NRXN1: variants seen among roughly 807,000 people sequenced by gnomAD.
The protein encoded by NRXN1 is neurexin-1.
NRXN1 carries 39 observed loss-of-function variants against 150.9 expected under a neutral mutation model. The ratio of observed to expected loss-of-function variants is 0.26; its 90% CI spans 0.20 to 0.34. The LOEUF is 0.34. Ranked by LOEUF, NRXN1 falls within the 10% of genes least tolerant of loss-of-function variation. The pLI is 1.00. For missense variants in NRXN1, 1,815 were observed against 1,949.9 expected (o/e 0.93, Z 1.30); for synonymous variants, 924 against 757.0 (o/e 1.22, Z -3.62).
chr2:50,228,809 T>C (rs1288121768), intron 18 of NRXN1, among the ~76,000 whole-genome samples: 1 of 151,818 alleles, frequency 6.6e-6, no homozygotes. Context: ...AGCATTTACT[T>C]AGAAGCCTAG....
chr2:49,988,989 G>C (rs1027302329), intron 21 of NRXN1, among the ~76,000 whole-genome samples: 1 of 152,176 alleles, frequency 6.6e-6, no homozygotes, highest in Non-Finnish European at 1.5e-5. Context: ...GGAATCTGAA[G>C]CATTGCCCAG....
chr2:50,632,299 T>C (rs1467393203), intron 5 of NRXN1: 2 of 152,030 alleles, frequency 1.3e-5, no homozygotes, highest in Non-Finnish European at 2.9e-5. Context: ...ATTGTGGCCA[T>C]CTTGTAAGCT....
intron 5 of NRXN1, among the ~76,000 whole-genome samples, chr2:50,782,603 GA>G (rs1173529694): frequency 9.9e-5 from 15 of 152,050 alleles, no homozygotes. Context: ...TAAGAAAAAA[GA>G]AAAAAGTTGT....
At chr2:50,510,205 T>C in intron 12 of NRXN1, among the ~76,000 whole-genome samples, 1 of 152,126 alleles carries the variant, frequency 6.6e-6, no homozygotes, top group South Asian at 2.1e-4. Flanking sequence ...AGTCTATAGC[T>C]GGCTGGGCAT....
chr2:50,593,179 A>C (rs537397164), intron 8 of NRXN1, among the ~76,000 whole-genome samples: 2 of 152,200 alleles, frequency 1.3e-5, no homozygotes, highest in Non-Finnish European at 2.9e-5. Context: ...CTTAAGCATG[A>C]TTAGGTGAAT....
chr2:50,755,956 T>C (rs1178910584), intron 5 of NRXN1, among the ~76,000 whole-genome samples: 3 of 151,644 alleles, frequency 2.0e-5, no homozygotes, highest in South Asian at 2.1e-4. Flanking sequence ...TCGCTTTTGA[T>C]GGAAGAGAGG....
At chr2:50,693,497 G>A (rs949931272) in intron 5 of NRXN1, among the ~76,000 whole-genome samples, 2 of 152,026 alleles carry the variant, frequency 1.3e-5, no homozygotes, top group Admixed American at 6.6e-5. Context: ...GCCTACAATT[G>A]CGTGCAAAGG....
chr2:50,495,762 G>T, intron 15 of NRXN1, 143 bp downstream of exon 15: 2 of 599,304 alleles, frequency 3.3e-6, no homozygotes, highest in Non-Finnish European at 5.4e-6. Flanking sequence ...AGGCTTGTGT[G>T]TTGTATTGTT....
intron 10 of NRXN1, among the ~76,000 whole-genome samples, chr2:50,532,064 T>A (rs778445874): frequency 6.6e-6 from 1 of 152,108 alleles, no homozygotes; most frequent in Non-Finnish European, 1.5e-5. Flanking sequence ...TTGCCAAGGC[T>A]GGTCTCAAAC....
chr2:50,996,027 A>C (rs1699233461), intron 2 of NRXN1, among the ~76,000 whole-genome samples: 1 of 152,078 alleles, frequency 6.6e-6, no homozygotes, highest in South Asian at 2.1e-4. Flanking sequence ...TGGAGGGGAA[A>C]AGTCTTGCCT....
intron 5 of NRXN1, among the ~76,000 whole-genome samples, chr2:50,721,168 C>T (rs1430488357): frequency 6.6e-6 from 1 of 152,060 alleles, no homozygotes; most frequent in Non-Finnish European, 1.5e-5. Context: ...AAGGACAGCT[C>T]ACATAGCTGC....
At chr2:50,503,162 G>C (rs938726295) in intron 13 of NRXN1, among the ~76,000 whole-genome samples, 4 of 152,010 alleles carry the variant, frequency 2.6e-5, no homozygotes, top group African/African-American at 9.7e-5. Flanking sequence ...ACAAAAATTA[G>C]CTGGGCATGA....
At position 50,528,616 on chromosome 2, in the gene NRXN1, G is replaced by C; in HGVS notation, c.2374+9C>G. ...AATAACATTTTAAAAATTTTGAATA[G>C]GCACTTACTGGAATTACAGTTAATC... On this transcript the variant is annotated intron_variant, in intron 12 of 22. Coordinates refer to ENST00000401669, the MANE Select transcript of NRXN1 (RefSeq NM_001330078.2). The C allele has an allele frequency of 6.7e-7, 1 of 1,491,570 alleles. No individual in the cohort carries two copies. Among genetic ancestry groups the C allele is most frequent in the African/African-American group, 1.4e-5 (1 of 71,866 alleles). 92.4% of individuals were successfully genotyped at this position (1,491,570 alleles called of 1,614,324 possible). A position where few individuals can be genotyped will look rare whatever the true frequency, so the allele number is the denominator to read the frequency against.
At chr2:50,473,824 A>G (rs148700296) in intron 15 of NRXN1, among the ~76,000 whole-genome samples, 175 of 152,152 alleles carry the variant, frequency 1.2e-3, no homozygotes, top group African/African-American at 4.1e-3. Flanking sequence ...CCCATTAAAC[A>G]GTAATAAGCT....
chr2:50,205,180 G>A (rs141028299), intron 18 of NRXN1, among the ~76,000 whole-genome samples: 1 of 152,150 alleles, frequency 6.6e-6, no homozygotes, highest in Non-Finnish European at 1.5e-5. Flanking sequence ...TCATCTGCAT[G>A]GAAATTCTGC....
At chr2:50,087,184 A>T (rs986353423) in intron 19 of NRXN1, among the ~76,000 whole-genome samples, 2 of 152,176 alleles carry the variant, frequency 1.3e-5, no homozygotes, top group African/African-American at 4.8e-5. Flanking sequence ...ATGATATGAT[A>T]ACTCTAGCAC....
chr2:50,185,827 T>C (rs1237464763), intron 18 of NRXN1, among the ~76,000 whole-genome samples: 1 of 152,136 alleles, frequency 6.6e-6, no homozygotes, highest in East Asian at 1.9e-4. Context: ...CTACTATGAC[T>C]GCACATCATT....
intron 18 of NRXN1, among the ~76,000 whole-genome samples, chr2:50,101,655 A>G (rs1700992033): frequency 6.6e-6 from 1 of 152,066 alleles, no homozygotes; most frequent in South Asian, 2.1e-4. Flanking sequence ...AAAGACGTGA[A>G]AACATATCAA....
At chr2:50,282,907 G>A (rs2071648741) in intron 17 of NRXN1, among the ~76,000 whole-genome samples, 1 of 152,158 alleles carries the variant, frequency 6.6e-6, no homozygotes, top group African/African-American at 2.4e-5. Flanking sequence ...AAGTCAAAGA[G>A]TAATCAAATT....
Sources: allele counts gnomAD v4.1 joint callset (sites outside exome capture counted in the v4.1 genomes callset), GRCh38; gene constraint gnomAD v4.1.1; transcripts MANE v1.5; gene names NCBI Gene and HGNC (gene_info 2026-07-23, HGNC 2026-07-21).